Variants in GPR158 observed in about 807,000 individuals in gnomAD.
GPR158 encodes G protein-coupled receptor 158.
Under a neutral mutation model 78.2 loss-of-function variants are expected in GPR158, and 30 were observed. That is an observed-to-expected ratio of 0.38 (90% confidence interval 0.29 to 0.52). GPR158 has a LOEUF of 0.52. Ranked by LOEUF, GPR158 falls within the 20% of genes least tolerant of loss-of-function variation. The pLI is 0.83. For synonymous variants in GPR158, 581 were observed against 591.1 expected (o/e 0.98, Z 0.25); for missense variants, 1,463 against 1,523.5 (o/e 0.96, Z 0.66).
chr10:25,352,750 A>G (rs1479864359), intron 2 of GPR158, among the ~76,000 whole-genome samples: 1 of 151,530 alleles, frequency 6.6e-6, no homozygotes, highest in African/African-American at 2.4e-5. Flanking sequence ...TTGTTTACAA[A>G]CCATTTAATT....
intron 2 of GPR158, among the ~76,000 whole-genome samples, chr10:25,344,948 C>T (rs1855353352): frequency 1.3e-5 from 2 of 151,994 alleles, no homozygotes; most frequent in Admixed American, 6.6e-5. Context: ...CAAGGCAACT[C>T]TCTGGGATCT....
At chr10:25,337,360 T>G (rs1251617940) in intron 2 of GPR158, among the ~76,000 whole-genome samples, 3 of 152,098 alleles carry the variant, frequency 2.0e-5, no homozygotes, top group African/African-American at 7.2e-5. Context: ...TCTAACACCA[T>G]AGATAAATAT....
intron 4 of GPR158, among the ~76,000 whole-genome samples, chr10:25,449,786 T>G (rs1835189270): frequency 6.6e-6 from 1 of 152,200 alleles, no homozygotes; most frequent in Admixed American, 6.5e-5. Flanking sequence ...ATTAGCTTGA[T>G]TTAGCCCTTC....
At chr10:25,364,547 T>A (rs1218972969) in intron 2 of GPR158, among the ~76,000 whole-genome samples, 1 of 151,930 alleles carries the variant, frequency 6.6e-6, no homozygotes, top group Non-Finnish European at 1.5e-5. Context: ...TTTGACTCTT[T>A]AATGCTAATG....
intron 5 of GPR158, among the ~76,000 whole-genome samples, chr10:25,484,541 A>C (rs1440955426): frequency 6.6e-6 from 1 of 152,206 alleles, no homozygotes. Context: ...ATGGGAATAA[A>C]TGAGAAGATG....
At chr10:25,336,770 T>C (rs1356608136) in intron 2 of GPR158, among the ~76,000 whole-genome samples, 1 of 152,114 alleles carries the variant, frequency 6.6e-6, no homozygotes, top group African/African-American at 2.4e-5. Context: ...ATGAAGATGG[T>C]AAAAGAGTGA....
intron 4 of GPR158, among the ~76,000 whole-genome samples, chr10:25,430,360 G>A (rs1332974942): frequency 2.0e-5 from 3 of 150,710 alleles, no homozygotes; most frequent in Admixed American, 1.3e-4. Context: ...TGAAATAAAA[G>A]AGGATACAAA....
At chr10:25,382,355 C>T (rs1834166315) in intron 2 of GPR158, among the ~76,000 whole-genome samples, 1 of 152,082 alleles carries the variant, frequency 6.6e-6, no homozygotes, top group Non-Finnish European at 1.5e-5. Flanking sequence ...TGTTGCTATC[C>T]CTTAGCCCTG....
intron 2 of GPR158, among the ~76,000 whole-genome samples, chr10:25,321,506 A>G (rs1386855949): frequency 1.3e-5 from 2 of 152,220 alleles, no homozygotes; most frequent in African/African-American, 4.8e-5. Flanking sequence ...CTGTGTTTAT[A>G]CAGAAAGCAC....
intron 2 of GPR158, among the ~76,000 whole-genome samples, chr10:25,263,022 T>A (rs1178832956): frequency 6.6e-6 from 1 of 152,214 alleles, no homozygotes; most frequent in African/African-American, 2.4e-5. Context: ...CTTGATGTTG[T>A]CTTTTGGAGA....
At chr10:25,368,284 A>ATTT (rs542628428) in intron 2 of GPR158, among the ~76,000 whole-genome samples, 20,566 of 150,940 alleles carry the variant, frequency 0.14, 1,638 homozygotes, top group South Asian at 0.23. Context: ...GTAAGACAGT[A>ATTT]TTTTTTTTTA....
chr10:25,243,424 C>A (rs541372849), intron 2 of GPR158, among the ~76,000 whole-genome samples: 104 of 152,286 alleles, frequency 6.8e-4, no homozygotes, highest in African/African-American at 2.3e-3. Context: ...AATCCCATCA[C>A]AAGTGGATCT....
chr10:25,544,299 T>TTG (rs1554812289), intron 5 of GPR158, among the ~76,000 whole-genome samples: 55 of 152,122 alleles, frequency 3.6e-4, no homozygotes, highest in African/African-American at 1.2e-3. Flanking sequence ...TATTTTTTTT[T>TTG]TGTGATACAT....
At chr10:25,335,748 T>G (rs1203166968) in intron 2 of GPR158, among the ~76,000 whole-genome samples, 1 of 152,094 alleles carries the variant, frequency 6.6e-6, no homozygotes, top group East Asian at 1.9e-4. Flanking sequence ...TTTGTTTCTC[T>G]GAGATGCCAT....
intron 1 of GPR158, among the ~76,000 whole-genome samples, chr10:25,188,006 C>A (rs1432667035): frequency 6.6e-6 from 1 of 152,090 alleles, no homozygotes; most frequent in Non-Finnish European, 1.5e-5. Flanking sequence ...AACAGAGAGC[C>A]AAATTATGAG....
At chr10:25,268,927 G>A (rs529823737) in intron 2 of GPR158, among the ~76,000 whole-genome samples, 1 of 152,230 alleles carries the variant, frequency 6.6e-6, no homozygotes, top group East Asian at 1.9e-4. Context: ...AGTTTTTTAT[G>A]TTCTTTAAGG....
chr10:25,342,554 A>C (rs767533898), intron 2 of GPR158, among the ~76,000 whole-genome samples: 17 of 152,040 alleles, frequency 1.1e-4, no homozygotes, highest in Non-Finnish European at 2.1e-4. Flanking sequence ...AACAAAGAAA[A>C]TAAAAAGCAC....
chr10:25,313,748 T>C (rs999588482), intron 2 of GPR158, among the ~76,000 whole-genome samples: 1 of 152,180 alleles, frequency 6.6e-6, no homozygotes, highest in East Asian at 1.9e-4. Context: ...ATATTTTACT[T>C]TGTAGTTTTT....
At chr10:25,435,282 A>G (rs550591252) in intron 4 of GPR158, among the ~76,000 whole-genome samples, 1 of 152,290 alleles carries the variant, frequency 6.6e-6, no homozygotes, top group Non-Finnish European at 1.5e-5. Context: ...GCTAAGTGAC[A>G]TGAAGGAAAG....
Sources: allele counts gnomAD v4.1 joint callset (sites outside exome capture counted in the v4.1 genomes callset), GRCh38; gene constraint gnomAD v4.1.1; transcripts MANE v1.5; gene names NCBI Gene and HGNC (gene_info 2026-07-23, HGNC 2026-07-21).